Variants in ENOX1 observed in about 807,000 individuals in gnomAD.
ENOX1 encodes the protein candidate growth-related and time keeping constitutive hydroquinone (NADH) oxidase.
ENOX1 carries 42 observed loss-of-function variants against 82.5 expected under a neutral mutation model. The ratio of observed to expected loss-of-function variants is 0.51; its 90% confidence interval spans 0.40 to 0.66. The LOEUF (loss-of-function observed/expected upper bound fraction) is 0.66, where lower values mean the gene tolerates loss of function less well. Ranked by LOEUF, ENOX1 falls within the 30% of genes least tolerant of loss-of-function variation. The pLI, the probability that ENOX1 is intolerant of heterozygous loss-of-function variation, is 0.00. For synonymous variants in ENOX1, 271 were observed against 282.2 expected (o/e 0.96, Z 0.40); for missense variants, 608 against 811.6 (o/e 0.75, Z 3.05).
Position 43,304,115 on chromosome 13 carries a change from C to T in ENOX1, c.1262-5585G>A, listed in dbSNP as rs183532407. Among the ~76,000 whole-genome samples, 3 of 152,344 alleles carry T rather than the reference C, an allele frequency of 2.0e-5. No homozygotes were observed. In the East Asian group the frequency reaches 5.8e-4, roughly 29 times the overall value. ...CATCCCTGTGCCCAGGTCCCATGAG[C>T]TCAGCTTGCCCCGTGCCCTGGCTAT... On this transcript the variant is annotated intron_variant, in intron 11 of 16. Coordinates refer to ENST00000690772, the MANE Select transcript of ENOX1 (RefSeq NM_001347969.2).
chr13:43,646,753 G>C (rs1192505505), intron 2 of ENOX1, among the ~76,000 whole-genome samples: 3 of 152,114 alleles, frequency 2.0e-5, no homozygotes, highest in Admixed American at 1.3e-4. Flanking sequence ...GCCAGATAGA[G>C]TCTTGGGGCA....
chr13:43,665,196 A>G (rs555157081), intron 2 of ENOX1, among the ~76,000 whole-genome samples: 2 of 152,142 alleles, frequency 1.3e-5, no homozygotes, highest in African/African-American at 4.8e-5. Context: ...CTGGACTTTC[A>G]CTCTTCTCAG....
intron 2 of ENOX1, among the ~76,000 whole-genome samples, chr13:43,508,109 T>G (rs1463861949): frequency 1.3e-5 from 2 of 151,962 alleles, no homozygotes; most frequent in Admixed American, 6.6e-5. Flanking sequence ...TTGTCCAAAA[T>G]TTGAAACTCA....
chr13:43,320,512 C>G (rs987653683), intron 11 of ENOX1, among the ~76,000 whole-genome samples: 1 of 152,144 alleles, frequency 6.6e-6, no homozygotes, highest in Non-Finnish European at 1.5e-5. Flanking sequence ...GGCCGGGCCC[C>G]GATCCTATAA....
chr13:43,459,265 C>T (rs1467540246), intron 3 of ENOX1: 3 of 152,140 alleles, frequency 2.0e-5, no homozygotes, highest in Non-Finnish European at 4.4e-5. Flanking sequence ...AGTTGAATGA[C>T]CAGGGTACCT....
chr13:43,456,078 C>G (rs1222855126), intron 3 of ENOX1, among the ~76,000 whole-genome samples: 1 of 151,882 alleles, frequency 6.6e-6, no homozygotes, highest in Non-Finnish European at 1.5e-5. Context: ...ATTTCCAATA[C>G]CTCCTTCTTA....
At chr13:43,454,844 T>A (rs1296318784) in intron 3 of ENOX1, among the ~76,000 whole-genome samples, 1 of 51,348 alleles carries the variant, frequency 1.9e-5, no homozygotes, top group Non-Finnish European at 5.9e-5. Flanking sequence ...TGAAACCATT[T>A]TTTTTTTTTT....
intron 1 of ENOX1, among the ~76,000 whole-genome samples, chr13:43,762,445 A>G (rs559439395): frequency 6.6e-6 from 1 of 152,372 alleles, no homozygotes; most frequent in African/African-American, 2.4e-5. Context: ...TTTCTCACAT[A>G]TATAGTTAAC....
At chr13:43,342,509 C>T (rs1444982147) in intron 9 of ENOX1, among the ~76,000 whole-genome samples, 3 of 152,312 alleles carry the variant, frequency 2.0e-5, no homozygotes, top group South Asian at 4.1e-4. Flanking sequence ...GAGGCAGTCT[C>T]CACTCCTGTG....
At chr13:43,682,358 C>T (rs1204735828) in intron 1 of ENOX1, among the ~76,000 whole-genome samples, 1 of 152,144 alleles carries the variant, frequency 6.6e-6, no homozygotes, top group East Asian at 1.9e-4. Context: ...GCCACTAAAA[C>T]CAACTCAGTT....
intron 14 of ENOX1, among the ~76,000 whole-genome samples, chr13:43,249,262 A>G (rs2043314245): frequency 2.0e-5 from 3 of 152,206 alleles, no homozygotes; most frequent in Non-Finnish European, 4.4e-5. Context: ...TGTAGACATA[A>G]CCAAATGAAA....
intron 2 of ENOX1, among the ~76,000 whole-genome samples, chr13:43,664,062 T>C (rs1016300997): frequency 6.6e-6 from 1 of 152,220 alleles, no homozygotes; most frequent in Non-Finnish European, 1.5e-5. Flanking sequence ...AAAATGTTGA[T>C]AGAATTTTGA....
chr13:43,523,519 G>A (rs1021538926), intron 2 of ENOX1, among the ~76,000 whole-genome samples: 11 of 152,162 alleles, frequency 7.2e-5, no homozygotes, highest in African/African-American at 2.4e-4. Flanking sequence ...TGATGAACAA[G>A]GACTGTGAAC....
At chr13:43,348,315 A>T (rs2049532687) in intron 8 of ENOX1, among the ~76,000 whole-genome samples, 1 of 152,212 alleles carries the variant, frequency 6.6e-6, no homozygotes, top group Admixed American at 6.5e-5. Flanking sequence ...ATCTGTCTCC[A>T]GTTTTGAGGG....
At chr13:43,509,508 T>C (rs1372593513) in intron 2 of ENOX1, among the ~76,000 whole-genome samples, 1 of 152,120 alleles carries the variant, frequency 6.6e-6, no homozygotes, top group Non-Finnish European at 1.5e-5. Flanking sequence ...TTTTGAAGCA[T>C]AGTGGGATAC....
At chr13:43,277,543 G>A (rs910835069) in intron 12 of ENOX1, among the ~76,000 whole-genome samples, 2 of 152,140 alleles carry the variant, frequency 1.3e-5, no homozygotes, top group Non-Finnish European at 2.9e-5. Flanking sequence ...GGTGCCTGAG[G>A]CATGAAGGAC....
chr13:43,413,148 T>C (rs1215538687), intron 3 of ENOX1, among the ~76,000 whole-genome samples, 160 bp from the exon 4 acceptor site: 1 of 152,248 alleles, frequency 6.6e-6, no homozygotes, highest in African/African-American at 2.4e-5. Flanking sequence ...GGCTGTCTTG[T>C]GGCTCAGTTA....
chr13:43,679,433 C>G (rs1260098145), intron 1 of ENOX1, among the ~76,000 whole-genome samples: 1 of 152,068 alleles, frequency 6.6e-6, no homozygotes, highest in Non-Finnish European at 1.5e-5. Flanking sequence ...AAGGAGGGAC[C>G]CTAGTCAAAG....
intron 11 of ENOX1, among the ~76,000 whole-genome samples, chr13:43,311,027 A>T (rs2047170873): frequency 6.6e-6 from 1 of 152,008 alleles, no homozygotes; most frequent in African/African-American, 2.4e-5. Flanking sequence ...CTGATATATA[A>T]TGATGGAAGC....
Sources: allele counts gnomAD v4.1 joint callset (sites outside exome capture counted in the v4.1 genomes callset), GRCh38; gene constraint gnomAD v4.1.1; transcripts MANE v1.5; gene names NCBI Gene and HGNC (gene_info 2026-07-23, HGNC 2026-07-21).